ECE1: variants seen among roughly 807,000 people sequenced by gnomAD.
ECE1 encodes endothelin converting enzyme 1.
A neutral mutation model predicts 98.6 loss-of-function variants in ECE1; 35 were observed. The ratio of observed to expected loss-of-function variants is 0.35; its 90% confidence interval spans 0.27 to 0.47. ECE1 has a LOEUF of 0.47. ECE1 is among the 20% of genes least tolerant of loss of function. The pLI is 1.00. For synonymous variants in ECE1, 394 were observed against 407.1 expected (o/e 0.97, Z 0.39); for missense variants, 814 against 1,025.3 (o/e 0.79, Z 2.81).
Position 21,260,419 on chromosome 1 carries a change from A to G in ECE1, c.494-27T>C. ...TGGAACAACAGACAGTGGAGTTTGC[A>G]ATGCGGCCCCACTTGCCCACTGGGT... is the stretch of plus-strand genomic sequence containing the variant. On this transcript the variant is annotated intron_variant, in intron 4 of 18. Coordinates refer to ENST00000374893, the MANE Select transcript of ECE1 (RefSeq NM_001397.3). The surrounding 1 kb of genome is among the most constrained non-coding windows in gnomAD (Gnocchi z 4.3). The G allele has an allele frequency of 6.2e-7, 1 of 1,614,076 alleles. No homozygotes were observed. Among genetic ancestry groups the G allele is most frequent in the South Asian group, 1.1e-5 (1 of 91,082 alleles).
intron 1 of ECE1, among the ~76,000 whole-genome samples, chr1:21,324,334 A>G (rs1639029678): frequency 6.6e-6 from 1 of 152,212 alleles, no homozygotes; most frequent in Non-Finnish European, 1.5e-5. Context: ...GGGCAGAGGA[A>G]GCAGGGGGCA....
At chr1:21,251,098 C>G (rs1354676046) in intron 8 of ECE1, among the ~76,000 whole-genome samples, 1 of 152,146 alleles carries the variant, frequency 6.6e-6, no homozygotes, top group Non-Finnish European at 1.5e-5. Flanking sequence ...GTCTAAAACC[C>G]AGGTTCACTC....
chr1:21,243,772 A>AC (rs1298137472), intron 10 of ECE1, among the ~76,000 whole-genome samples: 2 of 152,244 alleles, frequency 1.3e-5, no homozygotes, highest in Non-Finnish European at 2.9e-5. Flanking sequence ...TAGATGCAGG[A>AC]GGAGCAGGAA....
chr1:21,284,500 A>G (rs1464308006), intron 2 of ECE1, among the ~76,000 whole-genome samples: 1 of 152,230 alleles, frequency 6.6e-6, no homozygotes, highest in East Asian at 1.9e-4. Context: ...GAATGAGACA[A>G]AGAAATGAGA....
chr1:21,299,497 A>C (rs987918102), intron 1 of ECE1: 4 of 152,594 alleles, frequency 2.6e-5, no homozygotes, highest in African/African-American at 9.6e-5. Context: ...GAACAGGAAT[A>C]GGGCTGGGAG....
chr1:21,272,584 G>T, intron 4 of ECE1, 115 bp downstream of exon 4: 1 of 1,285,136 alleles, frequency 7.8e-7, no homozygotes, highest in Non-Finnish European at 1.1e-6. Context: ...GAGCCACCGT[G>T]CCCGGCCCAT....
intron 1 of ECE1, among the ~76,000 whole-genome samples, chr1:21,326,379 C>T (rs1275909154): frequency 1.3e-5 from 2 of 151,762 alleles, no homozygotes; most frequent in African/African-American, 2.4e-5. Context: ...GTGTGTGTGT[C>T]GGGGGTGCTG....
rs915927609 is a variant in ECE1, at chr1:21,233,303, C to T, written c.1670+255G>A. On this transcript the variant is annotated intron_variant, in intron 14 of 18. Transcript: ENST00000374893. The surrounding 1 kb of genome is among the most constrained non-coding windows in gnomAD (Gnocchi z 4.0). The stretch of plus-strand genomic sequence containing the variant: ...CGGAGACAAGGTGCCAGATCGGCTC[C>T]GCTCCAGAGGCCAGGCTCACCCTGC... The T allele has an allele frequency of 7.1e-5, 32 of 452,320 alleles. No individual in the cohort carries two copies. The highest frequency in any genetic ancestry group is 3.2e-4 in the East Asian group (8 of 24,906). The allele number at this position is 452,320 out of a possible 1,614,324, so 28.0% of individuals were successfully genotyped here. A position where few individuals can be genotyped will look rare whatever the true frequency, so the allele number is the denominator to read the frequency against.
intron 1 of ECE1, among the ~76,000 whole-genome samples, chr1:21,324,791 T>C (rs1569761918): frequency 6.6e-6 from 1 of 151,746 alleles, no homozygotes; most frequent in African/African-American, 2.4e-5. Context: ...GCTAGTGGAG[T>C]GTGCCAGCCT....
chr1:21,236,881 A>G (rs1380937411), intron 11 of ECE1, 37 bp from the exon 12 acceptor site: 11 of 1,578,590 alleles, frequency 7.0e-6, no homozygotes, highest in Non-Finnish European at 8.7e-6. Context: ...AGGTCTGCGC[A>G]CTGGTCTCAG....
intron 16 of ECE1, among the ~76,000 whole-genome samples, chr1:21,226,915 G>A (rs1400478946): frequency 6.6e-6 from 1 of 152,030 alleles, no homozygotes; most frequent in Non-Finnish European, 1.5e-5. Flanking sequence ...TAGTAGACAG[G>A]GTTTCGCCAT....
intron 1 of ECE1, among the ~76,000 whole-genome samples, chr1:21,302,628 C>A (rs922841357): frequency 3.9e-5 from 6 of 152,128 alleles, no homozygotes; most frequent in African/African-American, 7.2e-5. Context: ...ACCACAGACC[C>A]TTTTCCCAAC....
chr1:21,286,949 C>A (rs1189225216), intron 2 of ECE1, among the ~76,000 whole-genome samples: 1 of 150,682 alleles, frequency 6.6e-6, no homozygotes, highest in Non-Finnish European at 1.5e-5. Flanking sequence ...AAAAGAAAAA[C>A]CCTTTCAGGT....
chr1:21,332,089 C>T (rs1383421135), intron 1 of ECE1, among the ~76,000 whole-genome samples: 1 of 152,204 alleles, frequency 6.6e-6, no homozygotes, highest in Non-Finnish European at 1.5e-5. Context: ...GCACCCTCCC[C>T]CACCCCATCC....
upstream of ECE1, among the ~76,000 whole-genome samples, chr1:21,291,144 C>A (rs767079217): frequency 1.2e-4 from 19 of 152,118 alleles, no homozygotes; most frequent in Non-Finnish European, 2.4e-4. Context: ...GCCCCCCTCC[C>A]CAGCCCCTGA....
At chr1:21,277,570 A>AACAC (rs28367945) in intron 3 of ECE1, among the ~76,000 whole-genome samples, 12 of 150,886 alleles carry the variant, frequency 8.0e-5, no homozygotes, top group South Asian at 6.3e-4. Context: ...AGGAGGCACA[A>AACAC]ACACACACAC....
rs563162756 is a variant in ECE1 at position 21,345,399 on chromosome 1, G to A, written c.-21C>T. On this transcript the variant is annotated 5_prime_UTR_variant, in exon 1 of 19. Transcript: ENST00000415912. The surrounding 1 kb of genome is among the most constrained non-coding windows in gnomAD (Gnocchi z 5.1). ...ACCATAGCTCGCGTGCTCCGCCCCG[G>A]CTTCGCGCAGCTCCCCGCGCCCGGC... 3.0e-6 allele frequency: 4 copies of A among 1,335,238 alleles called. No individual in the cohort carries two copies. Among genetic ancestry groups the A allele is most frequent in the South Asian group, 3.7e-5 (2 of 54,654 alleles). 82.7% of individuals were successfully genotyped at this position (1,335,238 alleles called of 1,614,324 possible). A position where few individuals can be genotyped will look rare whatever the true frequency, so the allele number is the denominator to read the frequency against.
chr1:21,245,379 CTG>C (rs1164597116), intron 9 of ECE1, among the ~76,000 whole-genome samples: 1 of 151,718 alleles, frequency 6.6e-6, no homozygotes, highest in Non-Finnish European at 1.5e-5. Context: ...CCTAGCTGCT[CTG>C]TGTCTGGAAG....
chr1:21,233,039 A>C lies in ECE1; in HGVS notation c.1670+519T>G, dbSNP rs986533056. 1.9e-5 allele frequency: 3 copies of C among 159,042 alleles called. No individual in the cohort carries two copies. Among genetic ancestry groups the C allele is most frequent in the African/African-American group, 7.2e-5 (3 of 41,490 alleles). 9.9% of individuals were successfully genotyped at this position (159,042 alleles called of 1,614,324 possible). The stretch of plus-strand genomic sequence containing the variant: ...CTCTGATGTGCAGTGAGCTTTGGGA[A>C]GCACAGCTGTCAAGCCCATCCAGAA... On this transcript the variant is annotated intron_variant, in intron 14 of 18. Transcript: ENST00000374893. This position sits in a 1 kb window ranked among gnomAD's most constrained non-coding sequence, Gnocchi z 4.0.
Sources: allele counts gnomAD v4.1 joint callset (sites outside exome capture counted in the v4.1 genomes callset), GRCh38; gene constraint gnomAD v4.1.1; non-coding constraint Gnocchi (gnomAD v3.1); transcripts MANE v1.5; gene names NCBI Gene and HGNC (gene_info 2026-07-23, HGNC 2026-07-21).